TLN1: variants seen among roughly 807,000 people sequenced by gnomAD.
TLN1 encodes the protein talin-1.
Under a neutral mutation model 292.3 loss-of-function variants are expected in TLN1, and 56 were observed. The observed-to-expected ratio is 0.19, with a 90% CI of 0.15 to 0.24. The LOEUF (loss-of-function observed/expected upper bound fraction) is 0.24, where lower values mean the gene tolerates loss of function less well. Among genes scored for constraint, TLN1 ranks in the 10% least tolerant of loss-of-function variants. TLN1 has a pLI of 1.00. For missense variants in TLN1, 2,433 were observed against 3,248.2 expected, an observed-to-expected ratio of 0.75 and a Z score of 6.10; for synonymous variants, 1,119 against 1,253.7, an observed-to-expected ratio of 0.89 and a Z score of 2.27.
chr9:35,727,258 G>T (rs1825994542), intron 1 of TLN1, among the ~76,000 whole-genome samples: 1 of 152,174 alleles, frequency 6.6e-6, no homozygotes, highest in Non-Finnish European at 1.5e-5. Flanking sequence ...CAGGGTGAGA[G>T]GGGAAGGCTG....
chr9:35,731,886 TC>T (rs1826087166), intron 1 of TLN1, among the ~76,000 whole-genome samples, 188 bp downstream of exon 1: 1 of 151,580 alleles, frequency 6.6e-6, no homozygotes, highest in Non-Finnish European at 1.5e-5. Context: ...ATAGGACTGC[TC>T]CCAGGAAAGG....
chr9:35,731,774 T>C (rs1826085005), intron 1 of TLN1, among the ~76,000 whole-genome samples: 1 of 152,058 alleles, frequency 6.6e-6, no homozygotes, highest in South Asian at 2.1e-4. Context: ...CACCCAAAGC[T>C]TTCCTACCCA....
chr9:35,711,162 A>G (rs1825661329), intron 30 of TLN1, 80 bp from the exon 31 acceptor site: 3 of 1,610,118 alleles, frequency 1.9e-6, no homozygotes, highest in Non-Finnish European at 2.5e-6. Flanking sequence ...TCTTTTGCCT[A>G]TAACCATTCC....
At position 35,697,731 on chromosome 9, in the gene TLN1, G is replaced by T; in HGVS notation, c.*60C>A. 1 of 1,595,684 alleles carries T rather than the reference G, an allele frequency of 6.3e-7. No homozygotes were observed. On this transcript the variant is annotated 3_prime_UTR_variant, in exon 57 of 57. Coordinates refer to ENST00000314888, the MANE Select transcript of TLN1 (RefSeq NM_006289.4). ...AGGTTGGGCCCCGACAGCCCAGAAG[G>T]CTTTGGTAGTGGCACGCACAGTCTC...
chr9:35,721,351 A>G (rs1825875897), intron 10 of TLN1, among the ~76,000 whole-genome samples: 1 of 152,228 alleles, frequency 6.6e-6, no homozygotes, highest in Non-Finnish European at 1.5e-5. Flanking sequence ...TTCACTGTAT[A>G]TAGCTGCTGC....
At position 35,707,675 on chromosome 9, in the gene TLN1, T is replaced by G; in HGVS notation, c.4632+56A>C. On this transcript the variant is annotated intron_variant, in intron 35 of 56. Transcript: ENST00000314888. This position sits in a 1 kb window ranked among gnomAD's most constrained non-coding sequence, Gnocchi z 5.6. ...AGGCTTCAGAGAATAACTGGGGGAC[T>G]CGGGGGAGAAGATAGGACAGGTCAG... is the stretch of plus-strand genomic sequence containing the variant. The G allele has an allele frequency of 6.2e-7, 1 of 1,609,082 alleles. No homozygotes were observed. The highest frequency in any genetic ancestry group is 8.5e-7 in the Non-Finnish European group (1 of 1,176,316).
At position 35,719,349 on chromosome 9, in the gene TLN1, G is replaced by A; in HGVS notation, c.1688-67C>T. The A allele has an allele frequency of 6.7e-7, 1 of 1,497,952 alleles. No individual in the cohort carries two copies. The highest frequency in any genetic ancestry group is 1.8e-5 in the Admixed American group (1 of 57,060). 92.8% of individuals were successfully genotyped at this position (1,497,952 alleles called of 1,614,324 possible). On this transcript the variant is annotated intron_variant, in intron 15 of 56. Transcript: ENST00000314888. The surrounding 1 kb of genome is among the most constrained non-coding windows in gnomAD (Gnocchi z 4.6). ...GGCCAGACGAAGGGCTGGGGAGGGA[G>A]CAAAGTCACACCCAGTTAGTCACAC...
intron 1 of TLN1, among the ~76,000 whole-genome samples, chr9:35,731,798 A>G (rs1310499450): frequency 2.0e-5 from 3 of 152,072 alleles, no homozygotes; most frequent in Non-Finnish European, 4.4e-5. Flanking sequence ...GCCCGCTATC[A>G]GCTAACACCA....
At chr9:35,703,346 C>T (rs1488216686) in intron 48 of TLN1, among the ~76,000 whole-genome samples, 2 of 152,070 alleles carry the variant, frequency 1.3e-5, no homozygotes, top group Non-Finnish European at 2.9e-5. Flanking sequence ...GGAAAGGTCA[C>T]CCACACCTGG....
Position 35,721,822 on chromosome 9 carries a change from T to C in TLN1, c.949-19A>G. 6.2e-7 allele frequency: 1 copy of C among 1,604,546 alleles called. No individual in the cohort carries two copies. The highest frequency in any genetic ancestry group is 1.7e-4 in the Middle Eastern group (1 of 6,030). ...TTTTTTCCTATGAGGCAGAGGTTGG[T>C]GTTGGTGTTACAGGTCAGAGGTCAA... On this transcript the variant is annotated intron_variant, in intron 9 of 56. Coordinates refer to ENST00000314888, the MANE Select transcript of TLN1 (RefSeq NM_006289.4).
At position 35,700,000 on chromosome 9, in the gene TLN1, G is replaced by C; in HGVS notation, c.6742C>G (p.Leu2248Val). ...AGCAGTACATGGTCCAGCAGTTCCA[G>C]GTAGCCATTGGCACACTCCCGGCCA... ...HYGRECANGY[L>V]ELLDHVLLTL... Residue 2248 changes from leucine (L) to valine (V), a missense_variant, in exon 50 of 57, where the codon CTG becomes GTG. This residue lies in a region of TLN1 where 1,384 missense variants were observed against 1,699.6 expected (regional missense o/e 0.81). Coordinates refer to ENST00000314888, the MANE Select transcript of TLN1 (RefSeq NM_006289.4). The surrounding 1 kb of genome is among the most constrained non-coding windows in gnomAD (Gnocchi z 4.0). 6.2e-7 allele frequency: 1 copy of C among 1,613,326 alleles called. No individual in the cohort carries two copies. Among genetic ancestry groups the C allele is most frequent in the Non-Finnish European group, 8.5e-7 (1 of 1,179,518 alleles).
Position 35,700,300 on chromosome 9 carries a change from A to G in TLN1, c.6551T>C (p.Met2184Thr), listed in dbSNP as rs1825442174. 1.9e-6 allele frequency: 3 copies of G among 1,613,574 alleles called. No homozygotes were observed. The highest frequency in any genetic ancestry group is 2.5e-6 in the Non-Finnish European group (3 of 1,179,626). ...DFIRMTKGIT[M>T]ATAKAVAAGN... is the part of the protein sequence containing the mutation. ...AGCAGCAACGGCCTTGGCGGTTGCC[A>G]TGGTGATACCCTTGGTCATTCGGAT... Residue 2184 changes from methionine (M) to threonine (T), a missense_variant, in exon 49 of 57, where the codon ATG (methionine) becomes ACG (threonine). Physicochemically the swap from Met to Thr is moderately conservative, Grantham distance 81. Transcript: ENST00000314888.
chr9:35,729,264 G>A (rs1447542729), intron 1 of TLN1, among the ~76,000 whole-genome samples: 2 of 152,210 alleles, frequency 1.3e-5, no homozygotes, highest in Non-Finnish European at 2.9e-5. Context: ...TCTCCACTAC[G>A]CCAGCCAGCT....
In TLN1 at chr9:35,724,090, C is replaced by T. The variant is rs1277278384; in HGVS notation, c.655-11G>A. 5.0e-6 allele frequency: 8 copies of T among 1,613,366 alleles called. No homozygotes were observed. Among genetic ancestry groups the T allele is most frequent in the Non-Finnish European group, 5.9e-6 (7 of 1,179,384 alleles). On this transcript the variant is annotated splice_polypyrimidine_tract_variant and intron_variant, in intron 6 of 56. Transcript: ENST00000314888. The surrounding 1 kb of genome is among the most constrained non-coding windows in gnomAD (Gnocchi z 4.7). The stretch of plus-strand genomic sequence containing the variant: ...GATGTCATCTCGTGCCTGGAGAGCA[C>T]AGGGCAAGGAGGCGAATGTTGTGTG...
rs780197868 is a variant in TLN1 at position 35,718,829 on chromosome 9, T to G, written c.1978A>C (p.Thr660Pro). The G allele has an allele frequency of 1.1e-5, 17 of 1,613,612 alleles. No homozygotes were observed. The highest frequency in any genetic ancestry group is 2.7e-5 in the African/African-American group (2 of 74,910). The change falls in exon 17 of 57, where the codon ACT (threonine) becomes CCT (proline). Residue 660 changes from threonine to proline, a missense_variant. Thr to Pro is a conservative substitution (Grantham distance 38). This residue lies in a region of TLN1 where 617 missense variants were observed against 770.6 expected (regional missense o/e 0.80). Coordinates refer to ENST00000314888, the MANE Select transcript of TLN1 (RefSeq NM_006289.4). ...ELLQQIGESD[T>P]DPHFQDALMQ... is the part of the protein sequence containing the mutation. ...TCACCAACCTGGAAGTGGGGGTCAG[T>G]ATCACTTTCCCCAATTTGTTGCAAC...
chr9:35,706,570 T>C lies in TLN1; in HGVS notation c.5089-19A>G. 1 of 1,612,504 alleles carries C rather than the reference T, an allele frequency of 6.2e-7. No individual in the cohort carries two copies. The highest frequency in any genetic ancestry group is 8.5e-7 in the Non-Finnish European group (1 of 1,178,902). ...GCAAGGCCTGGGGAGGAAGTGGACATTAGCCCTGATGGTGACCTGCAATAG... is the reference window on the plus strand; with the variant it reads ...GCAAGGCCTGGGGAGGAAGTGGACACTAGCCCTGATGGTGACCTGCAATAG... On this transcript the variant is annotated intron_variant, in intron 38 of 56. Transcript: ENST00000314888. This position sits in a 1 kb window ranked among gnomAD's most constrained non-coding sequence, Gnocchi z 4.2.
Position 35,699,098 on chromosome 9 carries a change from T to A in TLN1, c.6933A>T (p.Gly2311=), listed in dbSNP as rs1425462455. 4 of 1,613,934 alleles carry A rather than the reference T, an allele frequency of 2.5e-6. No individual in the cohort carries two copies. The highest frequency in any genetic ancestry group is 2.2e-5 in the East Asian group (1 of 44,870). The change falls in exon 52 of 57, where the codon GGA becomes GGT. Residue 2311 remains glycine (G), a synonymous_variant. Coordinates refer to ENST00000314888, the MANE Select transcript of TLN1 (RefSeq NM_006289.4). The surrounding 1 kb of genome is among the most constrained non-coding windows in gnomAD (Gnocchi z 4.0). The stretch of plus-strand genomic sequence containing the variant: ...CTGCAGCCTCAATGGCGGCTGCAGC[T>A]CCCAGGAGCTCATTCTCAGCAATGA... ...PTVIAENELL[G]AAAAIEAAAK...
rs1222780013 is a variant in TLN1 at position 35,707,524 on chromosome 9, G to A, written c.4633-36C>T. The A allele has an allele frequency of 6.2e-7, 1 of 1,611,174 alleles. No homozygotes were observed. The highest frequency in any genetic ancestry group is 1.3e-5 in the African/African-American group (1 of 74,868). On this transcript the variant is annotated intron_variant, in intron 35 of 56. Transcript: ENST00000314888. This position sits in a 1 kb window ranked among gnomAD's most constrained non-coding sequence, Gnocchi z 5.6. ...CAGAGAGGCTCTCAGGACTTGGGATGCAGTCATAGGGGGTATAGGAAGTGA... is the reference window on the plus strand; with the variant it reads ...CAGAGAGGCTCTCAGGACTTGGGATACAGTCATAGGGGGTATAGGAAGTGA...
At position 35,705,999 on chromosome 9, in the gene TLN1, C is replaced by T. The variant is rs749964239; in HGVS notation, c.5474G>A (p.Gly1825Asp). 6.2e-7 allele frequency: 1 copy of T among 1,614,096 alleles called. No individual in the cohort carries two copies. The highest frequency in any genetic ancestry group is 1.7e-5 in the Admixed American group (1 of 60,006). ...NEAASAAGVV[G>D]GMVDSITQAI... ...CTGGGTGATGGAGTCCACCATGCCA[C>T]CCACGACCCCAGCAGCACTGGCTGC... The change falls in exon 41 of 57, where the codon GGT (glycine) becomes GAT (aspartate). Residue 1825 changes from glycine (G) to aspartate (D), a missense_variant. Physicochemically the swap from Gly to Asp is moderately conservative, Grantham distance 94. Transcript: ENST00000314888.
Sources: gnomAD v4.1 joint callset for allele counts (sites outside exome capture counted in the v4.1 genomes callset) on GRCh38, gnomAD v4.1.1 for gene constraint, gnomAD v4.1.1 regional missense constraint, Gnocchi (gnomAD v3.1) non-coding constraint, MANE v1.5 for transcripts, NCBI Gene and HGNC (gene_info 2026-07-23, HGNC 2026-07-21) for gene names.